POGZ: variants seen among roughly 807,000 people sequenced by gnomAD.
POGZ encodes pogo transposable element derived with ZNF domain.
In POGZ, 17 loss-of-function variants were observed where a neutral mutation model predicts 134.6. That is an observed-to-expected ratio of 0.13 (90% CI 0.09 to 0.19). POGZ has a LOEUF of 0.19. Ranked by LOEUF, POGZ falls within the 10% of genes least tolerant of loss-of-function variation. The pLI is 1.00. For missense variants in POGZ, 1,306 were observed against 1,769.7 expected, an observed-to-expected ratio of 0.74 and a Z score of 4.70; for synonymous variants, 693 against 657.1, an observed-to-expected ratio of 1.05 and a Z score of -0.84.
chr1:151,446,978 C>T (rs1056688954), intron 1 of POGZ, among the ~76,000 whole-genome samples: 6 of 152,100 alleles, frequency 3.9e-5, no homozygotes, highest in Admixed American at 3.9e-4. Context: ...TGGATTCCTT[C>T]ATTTATGCCC....
At chr1:151,417,644 G>C (rs1655991445) in intron 10 of POGZ, among the ~76,000 whole-genome samples, 1 of 151,446 alleles carries the variant, frequency 6.6e-6, no homozygotes, top group African/African-American at 2.4e-5. Flanking sequence ...GTACAGGCGT[G>C]AGCCACTGCG....
At position 151,404,070 on chromosome 1, in the gene POGZ, A is replaced by G; in HGVS notation, c.*732T>C. ...TGTTTTGGAGGGAAGGTGGTGAGGA[A>G]AAGACAAATCTATTCATTCTGGATA... On this transcript the variant is annotated 3_prime_UTR_variant, in exon 19 of 19. Coordinates refer to ENST00000271715, the MANE Select transcript of POGZ (RefSeq NM_015100.4). 1 of 985,536 alleles carries G rather than the reference A, an allele frequency of 1.0e-6. No homozygotes were observed. The highest frequency in any genetic ancestry group is 1.2e-6 in the Non-Finnish European group (1 of 829,922). The allele number at this position is 985,536 out of a possible 1,614,324, so 61.0% of individuals were successfully genotyped here. A position where few individuals can be genotyped will look rare whatever the true frequency, so the allele number is the denominator to read the frequency against.
At chr1:151,442,485 G>A (rs2102372406) in intron 1 of POGZ, 3 of 225,586 alleles carry the variant, frequency 1.3e-5, no homozygotes, top group South Asian at 1.2e-4. Flanking sequence ...CGAGGGAGGT[G>A]GATCACCTGA....
At chr1:151,414,795 A>G (rs188404357) in intron 10 of POGZ, among the ~76,000 whole-genome samples, 1 of 152,348 alleles carries the variant, frequency 6.6e-6, no homozygotes, top group East Asian at 1.9e-4. Context: ...AAAAGAAAAA[A>G]AAGATTTACA....
At chr1:151,412,216 T>G in intron 11 of POGZ, 80 bp downstream of exon 11, 1 of 736,728 alleles carries the variant, frequency 1.4e-6, no homozygotes, top group South Asian at 1.6e-5. Context: ...CAGTAGGTGG[T>G]CAACAATATT....
intron 12 of POGZ, among the ~76,000 whole-genome samples, chr1:151,410,724 C>T (rs555899305): frequency 1.3e-5 from 2 of 152,280 alleles, no homozygotes; most frequent in African/African-American, 4.8e-5. Context: ...ACTTGACATC[C>T]ACAGATACTG....
chr1:151,445,432 G>A (rs1478958610), intron 1 of POGZ, among the ~76,000 whole-genome samples: 1 of 148,682 alleles, frequency 6.7e-6, no homozygotes, highest in East Asian at 2.0e-4. Flanking sequence ...TGAGGCAGGA[G>A]AATCGCTTGA....
intron 1 of POGZ, among the ~76,000 whole-genome samples, chr1:151,446,847 G>A (rs1240601316): frequency 6.6e-6 from 1 of 150,708 alleles, no homozygotes; most frequent in Admixed American, 6.6e-5. Flanking sequence ...ATTTTCATAC[G>A]AGTCTCTGAA....
At chr1:151,406,536 A>G (rs1292487014) in intron 18 of POGZ, 71 bp downstream of exon 18, 19 of 1,410,798 alleles carry the variant, frequency 1.3e-5, no homozygotes, top group East Asian at 5.0e-5. Context: ...ATAATATGAT[A>G]ATAATAATAA....
At chr1:151,448,130 AC>A (rs1159371437) in intron 1 of POGZ, among the ~76,000 whole-genome samples, 4 of 152,204 alleles carry the variant, frequency 2.6e-5, no homozygotes, top group Non-Finnish European at 4.4e-5. Context: ...ACGTCATCTG[AC>A]AGAAAAATTC....
At chr1:151,423,003 T>C (rs1485092664) in intron 10 of POGZ, among the ~76,000 whole-genome samples, 1 of 152,242 alleles carries the variant, frequency 6.6e-6, no homozygotes, top group Non-Finnish European at 1.5e-5. Context: ...GAAAGCAATG[T>C]CTTAATGATA....
rs1653597209 is a variant in POGZ, at chr1:151,406,333, A to C, written c.2702T>G (p.Leu901Arg). The change falls in exon 19 of 19, where the codon CTA (leucine) becomes CGA (arginine). Residue 901 changes from leucine (L) to arginine (R), a missense_variant. Coordinates refer to ENST00000271715, the MANE Select transcript of POGZ (RefSeq NM_015100.4). Reference sequence around the variant, plus strand: ...TGGGAGTGCTGGGGCTAAGGGAGTTAGTAGCTCTTCAGGCTCAGCTGGGGT... The same window carrying C: ...TGGGAGTGCTGGGGCTAAGGGAGTTCGTAGCTCTTCAGGCTCAGCTGGGGT... ...GATPAEPEEL[L>R]TPLAPALPSP... 1.2e-6 allele frequency: 2 copies of C among 1,607,250 alleles called. No homozygotes were observed. Among genetic ancestry groups the C allele is most frequent in the Non-Finnish European group, 1.7e-6 (2 of 1,176,676 alleles).
chr1:151,449,679 G>A lies in POGZ; in HGVS notation c.-1-7474C>T, dbSNP rs1250818240. On this transcript the variant is annotated intron_variant, in intron 1 of 18. Transcript: ENST00000271715. Reference sequence around the variant, plus strand: ...TGGGAGGCCGAGGTGGGCGGATCACGAGGTCAGGAGATCAAGACCATCCTG... The same window carrying A: ...TGGGAGGCCGAGGTGGGCGGATCACAAGGTCAGGAGATCAAGACCATCCTG... Among the ~76,000 whole-genome samples, 9 of 152,162 alleles carry A rather than the reference G, an allele frequency of 5.9e-5. No individual in the cohort carries two copies. In the South Asian group the frequency reaches 8.3e-4, roughly 14 times the overall value.
Position 151,405,518 on chromosome 1 carries a change from G to A in POGZ, c.3517C>T (p.Leu1173=). Residue 1173 remains leucine (L), a synonymous_variant, in exon 19 of 19, where the codon CTG becomes TTG. Transcript: ENST00000271715. The surrounding 1 kb of genome is among the most constrained non-coding windows in gnomAD (Gnocchi z 4.9). ...ILADGTVLPT[L]VFYRGQMDQP... Reference sequence around the variant, plus strand: ...TCCATCTGCCCTCTGTAGAAAACCAGGGTGGGAAGGACAGTGCCATCTGCC... The same window carrying A: ...TCCATCTGCCCTCTGTAGAAAACCAAGGTGGGAAGGACAGTGCCATCTGCC... 3 of 1,614,232 alleles carry A rather than the reference G, an allele frequency of 1.9e-6. No individual in the cohort carries two copies. The highest frequency in any genetic ancestry group is 2.2e-5 in the East Asian group (1 of 44,892).
rs1351157261 is a variant in POGZ, at chr1:151,457,171, TCTAA to T, written c.-2+1977_-2+1980del. 2.0e-5 allele frequency among the ~76,000 whole-genome samples: 3 copies of T among 152,328 alleles called. No homozygotes were observed. In the South Asian group the frequency reaches 6.2e-4, roughly 32 times the overall value. On this transcript the variant is annotated intron_variant, in intron 1 of 18. Transcript: ENST00000271715. Reference sequence around the variant, plus strand: ...ACTAGTTCAAGATGGGAGTGGAAACTCTAACTAAATCAGGTTCGTCCCAAGAGTC... The same window carrying T: ...ACTAGTTCAAGATGGGAGTGGAAACTCTAAATCAGGTTCGTCCCAAGAGTC...
intron 10 of POGZ, among the ~76,000 whole-genome samples, chr1:151,423,086 G>C (rs977275275): frequency 6.6e-6 from 1 of 152,166 alleles, no homozygotes; most frequent in Admixed American, 6.5e-5. Context: ...AGAGCAAATA[G>C]ATGACTGTTC....
In POGZ at chr1:151,423,950, G is replaced by A. The variant is rs1557901051; in HGVS notation, c.1522C>T (p.Arg508Ter). The A allele has an allele frequency of 6.2e-7, 1 of 1,610,834 alleles. No homozygotes were observed. The highest frequency in any genetic ancestry group is 8.5e-7 in the Non-Finnish European group (1 of 1,177,382). The change falls in exon 9 of 19, where the codon CGA (arginine) becomes TGA (stop). Residue 508 changes from arginine to a stop codon, truncating the protein, a stop_gained and splice_region_variant. Transcript: ENST00000271715. LOFTEE classifies it high-confidence loss of function. ...CTTCCAAGGCTCTTAAACACTTACC[G>A]AATATTGTTTTTTAGCCTTTTGGTA... ...HCTKRLKNNIRFMNHMKHHVE... is the reference protein window; with the variant it reads ...HCTKRLKNNI
chr1:151,424,944 A>G lies in POGZ; in HGVS notation c.1185+11T>C, dbSNP rs766983929. On this transcript the variant is annotated intron_variant, in intron 8 of 18. Coordinates refer to ENST00000271715, the MANE Select transcript of POGZ (RefSeq NM_015100.4). ...AGCCACTTAAGCTGGATCACAGGTG[A>G]TATCACTTACACACATGTGACCTCT... The G allele has an allele frequency of 1.9e-5, 26 of 1,395,188 alleles. No homozygotes were observed. The highest frequency in any genetic ancestry group is 1.4e-4 in the East Asian group (6 of 43,436). 86.4% of individuals were successfully genotyped at this position (1,395,188 alleles called of 1,614,324 possible).
At chr1:151,450,220 T>C (rs183544091) in intron 1 of POGZ, among the ~76,000 whole-genome samples, 64 of 151,694 alleles carry the variant, frequency 4.2e-4, no homozygotes, top group African/African-American at 1.5e-3. Context: ...TTAGTAGAGA[T>C]GGGTTTTCAC....
Sources: allele counts gnomAD v4.1 joint callset (sites outside exome capture counted in the v4.1 genomes callset), GRCh38; gene constraint gnomAD v4.1.1; non-coding constraint Gnocchi (gnomAD v3.1); transcripts MANE v1.5; gene names NCBI Gene and HGNC (gene_info 2026-07-23, HGNC 2026-07-21).